RNASE4: variants seen among roughly 807,000 people sequenced by gnomAD.
The protein encoded by RNASE4 is ribonuclease A family member 4, also known as ribonuclease 4.
For missense variants in RNASE4, 194 were observed against 192.8 expected, an observed-to-expected ratio of 1.01 and a Z score of -0.04; for synonymous variants, 93 against 71.4, an observed-to-expected ratio of 1.30 and a Z score of -1.52.
intron 1 of RNASE4, among the ~76,000 whole-genome samples, chr14:20,696,604 C>G (rs1254143576): frequency 6.6e-6 from 1 of 151,830 alleles, no homozygotes; most frequent in African/African-American, 2.4e-5. Flanking sequence ...AAACAGACTT[C>G]CAATATCTTG....
intron 1 of RNASE4, among the ~76,000 whole-genome samples, chr14:20,695,763 T>A (rs1887073254): frequency 6.6e-6 from 1 of 152,228 alleles, no homozygotes; most frequent in Non-Finnish European, 1.5e-5. Flanking sequence ...ATTGTCCAGG[T>A]ACCACCTAGG....
chr14:20,695,331 G>T (rs1887050808), intron 1 of RNASE4, among the ~76,000 whole-genome samples: 1 of 150,378 alleles, frequency 6.6e-6, no homozygotes, highest in African/African-American at 2.5e-5. Flanking sequence ...GGAGGCGGAG[G>T]TTGCACTGAG....
intron 1 of RNASE4, among the ~76,000 whole-genome samples, chr14:20,687,218 C>T (rs1026508702): frequency 6.6e-6 from 1 of 152,200 alleles, no homozygotes; most frequent in African/African-American, 2.4e-5. Flanking sequence ...AATTTTTCCC[C>T]CAAACCCTAC....
intron 1 of RNASE4, 81 bp from the exon 2 acceptor site, chr14:20,699,274 A>G: frequency 1.7e-6 from 2 of 1,199,280 alleles, no homozygotes; most frequent in Non-Finnish European, 2.3e-6. Context: ...TGGAGTCAGG[A>G]TGCCGGCTTG....
intron 1 of RNASE4, among the ~76,000 whole-genome samples, chr14:20,696,098 A>G (rs1282383382): frequency 6.6e-6 from 1 of 152,222 alleles, no homozygotes; most frequent in Admixed American, 6.5e-5. Flanking sequence ...CTGCCACTCA[A>G]GGCCTTGATA....
intron 1 of RNASE4, among the ~76,000 whole-genome samples, chr14:20,695,406 A>AG (rs1392904258): frequency 6.6e-6 from 1 of 151,984 alleles, no homozygotes; most frequent in East Asian, 1.9e-4. Flanking sequence ...AAAAAAAAAA[A>AG]AAAAGAAAGA....
At chr14:20,688,294 A>T (rs1254611199) in intron 1 of RNASE4, among the ~76,000 whole-genome samples, 1 of 152,196 alleles carries the variant, frequency 6.6e-6, no homozygotes. Context: ...AAATCGATGG[A>T]ATAACGTGCT....
chr14:20,689,064 G>A (rs1886561446), intron 1 of RNASE4, among the ~76,000 whole-genome samples: 1 of 152,212 alleles, frequency 6.6e-6, no homozygotes, highest in African/African-American at 2.4e-5. Flanking sequence ...AGAGAAATTA[G>A]TGAGACTGGG....
intron 1 of RNASE4, among the ~76,000 whole-genome samples, chr14:20,687,975 T>C (rs1159700863): frequency 6.6e-6 from 1 of 152,178 alleles, no homozygotes; most frequent in East Asian, 1.9e-4. Context: ...CTGTCTGATA[T>C]TGGAAACTAT....
At chr14:20,695,836 A>G (rs1887075746) in intron 1 of RNASE4, among the ~76,000 whole-genome samples, 1 of 152,254 alleles carries the variant, frequency 6.6e-6, no homozygotes, top group African/African-American at 2.4e-5. Flanking sequence ...GGTAGCTGGT[A>G]TGTGCTTAGC....
intron 1 of RNASE4, among the ~76,000 whole-genome samples, chr14:20,687,599 T>C (rs1315581073): frequency 6.6e-6 from 1 of 152,132 alleles, no homozygotes; most frequent in Non-Finnish European, 1.5e-5. Flanking sequence ...TTATGAAGGG[T>C]TCAAAGTCTG....
chr14:20,693,462 T>C, intron 1 of RNASE4: 2 of 1,545,622 alleles, frequency 1.3e-6, no homozygotes, highest in South Asian at 1.1e-5. Flanking sequence ...CATGATGCCG[T>C]GTCAGAGAGC....
chr14:20,690,192 G>A (rs1231261638), intron 1 of RNASE4, among the ~76,000 whole-genome samples: 58 of 126,726 alleles, frequency 4.6e-4, no homozygotes, highest in Middle Eastern at 9.9e-3. Flanking sequence ...TCCGCAGTCC[G>A]GCCTGGGCGA....
chr14:20,694,491 G>A (rs531583796), intron 1 of RNASE4, among the ~76,000 whole-genome samples: 3 of 151,958 alleles, frequency 2.0e-5, no homozygotes, highest in African/African-American at 7.2e-5. Context: ...GTAGAGACAG[G>A]GTTTCACCGT....
intron 1 of RNASE4, among the ~76,000 whole-genome samples, chr14:20,688,146 A>G (rs1422447108): frequency 2.0e-5 from 3 of 152,180 alleles, no homozygotes; most frequent in African/African-American, 7.2e-5. Flanking sequence ...ACAGGTAAAG[A>G]TGGAAGAAGG....
At chr14:20,698,809 G>A (rs1887179494) in intron 1 of RNASE4, 1 of 152,126 alleles carries the variant, frequency 6.6e-6, no homozygotes, top group South Asian at 2.1e-4. Flanking sequence ...AAAAACAATA[G>A]TCATGTGAGA....
Position 20,699,717 on chromosome 14 carries a change from A to C in RNASE4, c.346A>C (p.Arg116=), listed in dbSNP as rs1194530373. 6.2e-7 allele frequency: 1 copy of C among 1,610,296 alleles called. No individual in the cohort carries two copies. Among genetic ancestry groups the C allele is most frequent in the East Asian group, 2.2e-5 (1 of 44,892 alleles). The part of the protein sequence containing the change: ...VTDCRDTGSS[R]APNCRYRAIA... ...AGATTGCAGGGACACAGGAAGTTCC[A>C]GGGCACCCAACTGCAGATATCGGGC... Residue 116 remains arginine (R), a synonymous_variant, in exon 2 of 2, where the codon AGG becomes CGG. Coordinates refer to ENST00000555835, the MANE Select transcript of RNASE4 (RefSeq NM_002937.5).
chr14:20,692,999 C>T (rs923230431), intron 1 of RNASE4, among the ~76,000 whole-genome samples: 11 of 152,028 alleles, frequency 7.2e-5, no homozygotes, highest in East Asian at 1.9e-4. Context: ...AGGCGCCCGC[C>T]ACTACGCCCG....
chr14:20,687,317 C>T (rs991276247), intron 1 of RNASE4, among the ~76,000 whole-genome samples: 1 of 152,180 alleles, frequency 6.6e-6, no homozygotes, highest in African/African-American at 2.4e-5. Context: ...GTGTATCCTC[C>T]AAAGGTTGTC....
Sources: gnomAD v4.1 joint callset for allele counts (sites outside exome capture counted in the v4.1 genomes callset) on GRCh38, gnomAD v4.1.1 for gene constraint, MANE v1.5 for transcripts, NCBI Gene and HGNC (gene_info 2026-07-23, HGNC 2026-07-21) for gene names.